Variants in ARHGAP6 observed in about 807,000 individuals in gnomAD.
ARHGAP6 encodes rho GTPase-activating protein 6.
A neutral mutation model predicts 55.7 loss-of-function variants in ARHGAP6; 16 were observed. The ratio of observed to expected loss-of-function variants is 0.29; its 90% CI spans 0.19 to 0.44. The LOEUF (loss-of-function observed/expected upper bound fraction) is 0.44. Among genes scored for constraint, ARHGAP6 ranks in the 20% least tolerant of loss-of-function variants. ARHGAP6 has a pLI of 1.00. For missense variants in ARHGAP6, 698 were observed against 808.9 expected (o/e 0.86, Z 1.66); for synonymous variants, 382 against 360.9 (o/e 1.06, Z -0.66).
In ARHGAP6 at chrX:11,190,473, A is replaced by ATATATATATATATACACACATATATATG. The variant is rs1555967766; in HGVS notation, c.821-1490_821-1489insCATATATATGTGTGTATATATATATATA. On this transcript the variant is annotated intron_variant, in intron 3 of 12. Transcript: ENST00000337414. ...GTACCCTGAGGAGATATATATATAT[A>ATATATATATATATACACACATATATATG]TATATATACATATATCTATATAGAT... Among the ~76,000 whole-genome samples, 992 of 100,341 alleles carry ATATATATATATATACACACATATATATG rather than the reference A, an allele frequency of 9.9e-3. 8 individuals are homozygous for ATATATATATATATACACACATATATATG. Among genetic ancestry groups the ATATATATATATATACACACATATATATG allele is most frequent in the Middle Eastern group, 0.052 (10 of 193 alleles). 87.1% of individuals were successfully genotyped at this position (100,341 alleles called of 115,157 possible). A position where few individuals can be genotyped will look rare whatever the true frequency, so the allele number is the denominator to read the frequency against.
chrX:11,240,319 G>T (rs2047258185), intron 2 of ARHGAP6, among the ~76,000 whole-genome samples: 1 of 112,117 alleles, frequency 8.9e-6, no homozygotes, highest in South Asian at 3.7e-4. Flanking sequence ...AAATGGAATG[G>T]ATAGCAGCTC....
chrX:11,521,425 C>G (rs1031194612), intron 1 of ARHGAP6, among the ~76,000 whole-genome samples: 2 of 112,153 alleles, frequency 1.8e-5, no homozygotes, highest in African/African-American at 3.2e-5. Context: ...ATCCTTTCCC[C>G]ATTTCCTGTT....
At chrX:11,181,852 C>T (rs2046317783) in intron 6 of ARHGAP6, among the ~76,000 whole-genome samples, 1 of 110,344 alleles carries the variant, frequency 9.1e-6, no homozygotes, top group Non-Finnish European at 1.9e-5. Context: ...TACATCCAGA[C>T]ATTTTGCTTT....
chrX:11,527,327 A>G (rs761526259), intron 1 of ARHGAP6, among the ~76,000 whole-genome samples: 1 of 111,974 alleles, frequency 8.9e-6, no homozygotes, highest in South Asian at 3.7e-4. Context: ...GAATTAACCA[A>G]TTGTTGCCAG....
chrX:11,216,027 G>C (rs2046877080), intron 2 of ARHGAP6, among the ~76,000 whole-genome samples: 1 of 111,422 alleles, frequency 9.0e-6, no homozygotes, highest in Non-Finnish European at 1.9e-5. Context: ...GTAGTGCCTT[G>C]TTTACTGGGA....
intron 1 of ARHGAP6, among the ~76,000 whole-genome samples, chrX:11,345,495 T>C (rs2048769161): frequency 8.9e-6 from 1 of 112,680 alleles, no homozygotes; most frequent in Admixed American, 9.4e-5. Context: ...ATATTTTTCT[T>C]TGAAGTATCT....
intron 1 of ARHGAP6, among the ~76,000 whole-genome samples, chrX:11,644,724 C>T (rs767999450): frequency 3.6e-5 from 4 of 111,040 alleles, no homozygotes; most frequent in Non-Finnish European, 5.7e-5. Flanking sequence ...GCAACTGAAA[C>T]TCTCATATAT....
At chrX:11,346,153 A>T (rs1424742930) in intron 1 of ARHGAP6, among the ~76,000 whole-genome samples, 1 of 111,567 alleles carries the variant, frequency 9.0e-6, no homozygotes, top group Non-Finnish European at 1.9e-5. Flanking sequence ...ACTCCCCTGT[A>T]GACTGTGGAC....
chrX:11,350,946 T>C (rs1419837289), intron 1 of ARHGAP6, among the ~76,000 whole-genome samples: 1 of 110,999 alleles, frequency 9.0e-6, no homozygotes, highest in African/African-American at 3.3e-5. Context: ...ACTTCTAAGT[T>C]ATTAGTGAAA....
intron 1 of ARHGAP6, among the ~76,000 whole-genome samples, chrX:11,540,561 C>T (rs1190318415): frequency 9.0e-6 from 1 of 111,361 alleles, no homozygotes; most frequent in Non-Finnish European, 1.9e-5. Flanking sequence ...TTTGATGTCC[C>T]CCCAGCTTGA....
chrX:11,454,110 ATTTTTTTTTTT>A (rs1187605203), intron 1 of ARHGAP6, among the ~76,000 whole-genome samples: 1 of 76,854 alleles, frequency 1.3e-5, no homozygotes, highest in African/African-American at 5.2e-5. Flanking sequence ...CGCACGGCTA[ATTTTTTTTTTT>A]TTTTTTTTTT....
In ARHGAP6 at chrX:11,235,366, C is replaced by CG. The variant is rs1167195634; in HGVS notation, c.748+19181dup. Among the ~76,000 whole-genome samples the CG allele has an allele frequency of 2.7e-5, 3 of 112,200 alleles. No homozygotes were observed. In the Admixed American group the frequency reaches 2.8e-4, roughly 11 times the overall value. Reference sequence around the variant, plus strand: ...ACCATGTCCTAAGGCTGCATAGAGCCGGGGGGCCCTGGGCCAGGCCCAGGA... The same window carrying CG: ...ACCATGTCCTAAGGCTGCATAGAGCCGGGGGGGCCCTGGGCCAGGCCCAGGA... On this transcript the variant is annotated intron_variant, in intron 2 of 12. Coordinates refer to ENST00000337414, the MANE Select transcript of ARHGAP6 (RefSeq NM_013427.3).
chrX:11,608,866 C>G (rs1308826510), intron 1 of ARHGAP6, among the ~76,000 whole-genome samples: 1 of 111,278 alleles, frequency 9.0e-6, no homozygotes, highest in Non-Finnish European at 1.9e-5. Flanking sequence ...AAATGTAAGT[C>G]TAATTAAACC....
At chrX:11,473,324 T>G (rs1045363148) in intron 1 of ARHGAP6, among the ~76,000 whole-genome samples, 2 of 111,763 alleles carry the variant, frequency 1.8e-5, no homozygotes, top group African/African-American at 6.5e-5. Context: ...CGGGTTGAAT[T>G]GTGTCTCCCA....
chrX:11,394,016 G>A (rs2049444350), intron 1 of ARHGAP6, among the ~76,000 whole-genome samples: 1 of 111,356 alleles, frequency 9.0e-6, no homozygotes, highest in Non-Finnish European at 1.9e-5. Flanking sequence ...GGTAGGGTGA[G>A]TAGTTGATCC....
intron 1 of ARHGAP6, among the ~76,000 whole-genome samples, chrX:11,478,229 G>C (rs766056176): frequency 2.5e-4 from 28 of 111,588 alleles, no homozygotes; most frequent in African/African-American, 8.8e-4. Context: ...TCCACAAAAA[G>C]GCTTGTAAAA....
chrX:11,590,515 G>A (rs1448904730), intron 1 of ARHGAP6, among the ~76,000 whole-genome samples: 6 of 109,661 alleles, frequency 5.5e-5, no homozygotes, highest in African/African-American at 2.0e-4. Context: ...GCTGAGTGCA[G>A]TAGCTCACGC....
chrX:11,189,076 A>T (rs1221685858), intron 3 of ARHGAP6, 92 bp from the exon 4 acceptor site: 1 of 1,003,085 alleles, frequency 1.0e-6, no homozygotes, highest in African/African-American at 1.9e-5. Context: ...GAACAGACAT[A>T]TTCAAAGGAA....
chrX:11,302,642 C>A (rs1241133501), intron 1 of ARHGAP6, among the ~76,000 whole-genome samples: 4 of 111,294 alleles, frequency 3.6e-5, no homozygotes, highest in Non-Finnish European at 7.5e-5. Context: ...CACCCATAAC[C>A]ACGCATGCTT....
Sources: gnomAD v4.1 joint callset for allele counts (sites outside exome capture counted in the v4.1 genomes callset) on GRCh38, gnomAD v4.1.1 for gene constraint, MANE v1.5 for transcripts, NCBI Gene and HGNC (gene_info 2026-07-23, HGNC 2026-07-21) for gene names.